The following LAMA4 variants were observed in gnomAD, a reference collection of about 807,000 sequenced individuals.
LAMA4 encodes laminin subunit alpha-4.
A neutral mutation model predicts 207.1 loss-of-function variants in LAMA4; 127 were observed. That is an observed-to-expected ratio of 0.61 (90% CI 0.53 to 0.71). The LOEUF is 0.71. LAMA4 is among the 30% of genes least tolerant of loss of function. LAMA4 has a pLI of 0.00. For missense variants in LAMA4, 2,093 were observed against 2,246.5 expected, an observed-to-expected ratio of 0.93 and a Z score of 1.38; for synonymous variants, 761 against 816.0, an observed-to-expected ratio of 0.93 and a Z score of 1.15.
At chr6:112,187,940 TGC>T (rs1385698746) in intron 7 of LAMA4, among the ~76,000 whole-genome samples, 1 of 152,184 alleles carries the variant, frequency 6.6e-6, no homozygotes, top group African/African-American at 2.4e-5. Context: ...AGGTTATCGC[TGC>T]GAGAGTCGCT....
chr6:112,236,304 C>T (rs1785916247), intron 2 of LAMA4: 1 of 152,186 alleles, frequency 6.6e-6, no homozygotes, highest in African/African-American at 2.4e-5. Context: ...AGTTTCCACG[C>T]TAGGAGACTT....
intron 10 of LAMA4, among the ~76,000 whole-genome samples, chr6:112,177,373 TTAATATATAGTA>T (rs757445812): frequency 6.0e-4 from 91 of 152,186 alleles, no homozygotes; most frequent in Non-Finnish European, 1.1e-3. Context: ...CATCCAGCCC[TTAATATATAGTA>T]TAATAAAAAC....
At chr6:112,141,578 C>A in intron 20 of LAMA4, 75 bp from the exon 21 acceptor site, 1 of 1,212,972 alleles carries the variant, frequency 8.2e-7, no homozygotes, top group Non-Finnish European at 1.2e-6. Context: ...AAAGGACAAT[C>A]AGAAATCCAA....
At chr6:112,170,096 A>G (rs1295394562) in intron 12 of LAMA4, among the ~76,000 whole-genome samples, 1 of 152,252 alleles carries the variant, frequency 6.6e-6, no homozygotes, top group Non-Finnish European at 1.5e-5. Context: ...AACACACAAC[A>G]TATGTGTTCT....
chr6:112,202,603 G>A (rs1554352975), intron 4 of LAMA4, among the ~76,000 whole-genome samples: 1 of 152,196 alleles, frequency 6.6e-6, no homozygotes, highest in East Asian at 1.9e-4. Context: ...GCAAATAGAT[G>A]TGTTTATTTG....
chr6:112,176,160 C>T (rs531296271), intron 10 of LAMA4, among the ~76,000 whole-genome samples: 1 of 152,308 alleles, frequency 6.6e-6, no homozygotes, highest in Non-Finnish European at 1.5e-5. Flanking sequence ...ATTTTCACCC[C>T]ACTTCCATAA....
intron 13 of LAMA4, 26 bp downstream of exon 13, chr6:112,165,134 C>T: frequency 7.6e-7 from 1 of 1,324,442 alleles, no homozygotes; most frequent in Non-Finnish European, 1.1e-6. Flanking sequence ...GAAATACAAA[C>T]CTGAACAAGT....
chr6:112,245,070 T>A (rs111718199), intron 2 of LAMA4, among the ~76,000 whole-genome samples: 112 of 152,320 alleles, frequency 7.4e-4, no homozygotes, highest in African/African-American at 2.4e-3. Context: ...TAACACCTCA[T>A]CTGTGACCTG....
intron 27 of LAMA4, 78 bp downstream of exon 27, chr6:112,133,271 G>T: frequency 6.7e-7 from 1 of 1,485,254 alleles, no homozygotes; most frequent in Non-Finnish European, 9.4e-7. Context: ...TCAGAGAGAA[G>T]CTGAAAAGAA....
chr6:112,241,152 T>TATATATATGA lies in LAMA4; in HGVS notation c.195+12794_195+12803dup, dbSNP rs369585480. On this transcript the variant is annotated intron_variant, in intron 2 of 38. Coordinates refer to ENST00000230538, the MANE Select transcript of LAMA4 (RefSeq NM_001105206.3). The stretch of plus-strand genomic sequence containing the variant: ...GAATATATAGGAATATATATATGAA[T>TATATATATGA]ATATATATGAATATATATGAATATA... 3.4e-4 allele frequency among the ~76,000 whole-genome samples: 33 copies of TATATATATGA among 98,476 alleles called. 1 individual carries two copies. Among genetic ancestry groups the TATATATATGA allele is most frequent in the East Asian group, 2.5e-3 (9 of 3,644 alleles). The allele number at this position is 98,476 out of a possible 152,430, so 64.6% of individuals were successfully genotyped here.
intron 2 of LAMA4, among the ~76,000 whole-genome samples, chr6:112,219,774 C>T (rs1784824174): frequency 6.6e-6 from 1 of 152,154 alleles, no homozygotes; most frequent in Non-Finnish European, 1.5e-5. Flanking sequence ...AATTCTCTCA[C>T]TTGACACCAC....
intron 2 of LAMA4, among the ~76,000 whole-genome samples, chr6:112,252,407 A>G (rs1554190052): frequency 6.6e-6 from 1 of 152,224 alleles, no homozygotes; most frequent in African/African-American, 2.4e-5. Context: ...AACTCAAAAA[A>G]TTACTTTCCT....
In LAMA4 at chr6:112,142,139, G is replaced by A. The variant is rs782444853; in HGVS notation, c.2647C>T (p.Leu883=). 1.2e-6 allele frequency: 2 copies of A among 1,614,064 alleles called. No individual in the cohort carries two copies. Among genetic ancestry groups the A allele is most frequent in the Non-Finnish European group, 1.7e-6 (2 of 1,179,988 alleles). ...CTTACGTTTTTGCTTCCGAGGTACA[G>A]GATAAACTGATCTGCAGTCTCGGTC... The part of the protein sequence containing the change: ...ELTETADQFI[L]YLGSKNAKKE... Residue 883 remains leucine (L), a synonymous_variant, in exon 20 of 39, where the codon CTG becomes TTG. Transcript: ENST00000230538.
chr6:112,191,955 C>T lies in LAMA4; in HGVS notation c.504-105G>A, dbSNP rs1221909010. 4 of 975,748 alleles carry T rather than the reference C, an allele frequency of 4.1e-6. No homozygotes were observed. In the East Asian group the frequency reaches 1.0e-4, roughly 25 times the overall value. The allele number at this position is 975,748 out of a possible 1,614,324, so 60.4% of individuals were successfully genotyped here. ...AGATGTAGTGGATATTTATTGATTT[C>T]CCTCCCAGAATTCATTTGCACTCTC... is the stretch of plus-strand genomic sequence containing the variant. On this transcript the variant is annotated intron_variant, in intron 5 of 38. Transcript: ENST00000230538.
At position 112,155,719 on chromosome 6, in the gene LAMA4, A is replaced by T; in HGVS notation, c.1818-13T>A. On this transcript the variant is annotated splice_polypyrimidine_tract_variant and intron_variant, in intron 14 of 38. Transcript: ENST00000230538. Reference sequence around the variant, plus strand: ...ACTGTGCAACTTCCTGTTAATAAACAAACATTGTTATTTCTCCTTCTTACC... The same window carrying T: ...ACTGTGCAACTTCCTGTTAATAAACTAACATTGTTATTTCTCCTTCTTACC... The T allele has an allele frequency of 6.2e-7, 1 of 1,613,908 alleles. No individual in the cohort carries two copies. Among genetic ancestry groups the T allele is most frequent in the Non-Finnish European group, 8.5e-7 (1 of 1,179,874 alleles).
intron 35 of LAMA4, 75 bp from the exon 36 acceptor site, chr6:112,116,068 T>A: frequency 7.2e-7 from 1 of 1,398,562 alleles, no homozygotes; most frequent in Non-Finnish European, 9.9e-7. Context: ...TTTGTAATTA[T>A]ATATATTTTT....
At chr6:112,183,963 A>G (rs911421711) in intron 9 of LAMA4, among the ~76,000 whole-genome samples, 15 of 151,662 alleles carry the variant, frequency 9.9e-5, no homozygotes, top group East Asian at 3.9e-4. Flanking sequence ...AAAAAAAAAA[A>G]AAAAAAGAAA....
At chr6:112,205,811 A>G (rs1336265337) in intron 4 of LAMA4, among the ~76,000 whole-genome samples, 13 of 152,018 alleles carry the variant, frequency 8.6e-5, no homozygotes, top group Admixed American at 2.0e-4. Flanking sequence ...CCCCACCCCC[A>G]ACCTCCAGGG....
chr6:112,247,480 C>T (rs554676917), intron 2 of LAMA4, among the ~76,000 whole-genome samples: 1 of 152,308 alleles, frequency 6.6e-6, no homozygotes, highest in South Asian at 2.1e-4. Context: ...AGCAATTTCA[C>T]TTATGAATCC....
Sources: gnomAD v4.1 joint callset for allele counts (sites outside exome capture counted in the v4.1 genomes callset) on GRCh38, gnomAD v4.1.1 for gene constraint, MANE v1.5 for transcripts, NCBI Gene and HGNC (gene_info 2026-07-23, HGNC 2026-07-21) for gene names.